The following GRIK4 variants were observed in gnomAD, a reference collection of about 807,000 sequenced individuals.
GRIK4 encodes the protein glutamate ionotropic receptor kainate type subunit 4, also known as glutamate receptor ionotropic, kainate 4.
Under a neutral mutation model 104.9 loss-of-function variants are expected in GRIK4, and 40 were observed. That is an observed-to-expected ratio of 0.38 (90% confidence interval 0.30 to 0.50). The LOEUF is 0.50. Ranked by LOEUF, GRIK4 falls within the 20% of genes least tolerant of loss-of-function variation. The pLI is 0.93. For synonymous variants in GRIK4, 485 were observed against 524.9 expected, an observed-to-expected ratio of 0.92 and a Z score of 1.04; for missense variants, 1,047 against 1,308.1, an observed-to-expected ratio of 0.80 and a Z score of 3.08.
chr11:120,725,502 G>A (rs1287725913), intron 3 of GRIK4, among the ~76,000 whole-genome samples: 1 of 152,144 alleles, frequency 6.6e-6, no homozygotes, highest in Non-Finnish European at 1.5e-5. Flanking sequence ...ACTAAAACTA[G>A]GGGTTTATAC....
rs369724157 is a variant in GRIK4 at position 120,528,964 on chromosome 11, T to C, written c.-159+17077T>C. ...ATGTGCCCATCTACAGCACTTTAGT[T>C]TCCCAGGGTAGCTTTGGCTCCCTGC... is the stretch of plus-strand genomic sequence containing the variant. On this transcript the variant is annotated intron_variant, in intron 1 of 20. Transcript: ENST00000527524. 4.1e-4 allele frequency among the ~76,000 whole-genome samples: 63 copies of C among 152,272 alleles called. No individual in the cohort carries two copies. The East Asian group carries it at 6.8e-3, about 16-fold the overall frequency.
At chr11:120,698,151 A>G (rs1299862424) in intron 3 of GRIK4, among the ~76,000 whole-genome samples, 1 of 152,198 alleles carries the variant, frequency 6.6e-6, no homozygotes, top group East Asian at 1.9e-4. Flanking sequence ...TCAAGATGAA[A>G]CCTAAAGAGA....
At chr11:120,667,938 T>A (rs971232611) in intron 3 of GRIK4, among the ~76,000 whole-genome samples, 5 of 152,156 alleles carry the variant, frequency 3.3e-5, no homozygotes, top group Middle Eastern at 3.4e-3. Context: ...TATGACCCCT[T>A]TAGAAAAGGT....
chr11:120,775,499 A>G (rs1952025661), intron 3 of GRIK4, among the ~76,000 whole-genome samples: 1 of 152,252 alleles, frequency 6.6e-6, no homozygotes, highest in Non-Finnish European at 1.5e-5. Flanking sequence ...ATGTTCATGA[A>G]TATTGAAAGT....
intron 3 of GRIK4, among the ~76,000 whole-genome samples, chr11:120,721,538 C>T (rs915976208): frequency 6.6e-6 from 1 of 152,246 alleles, no homozygotes; most frequent in Admixed American, 6.5e-5. Context: ...AAGCAAGAAC[C>T]TTTACTGTGG....
chr11:120,779,368 G>A (rs1952105760), intron 3 of GRIK4, among the ~76,000 whole-genome samples: 1 of 152,184 alleles, frequency 6.6e-6, no homozygotes, highest in Non-Finnish European at 1.5e-5. Flanking sequence ...CAGAGGAAAG[G>A]GCATTTCAGG....
intron 13 of GRIK4, among the ~76,000 whole-genome samples, chr11:120,924,817 C>T (rs1264530060): frequency 6.6e-6 from 1 of 152,182 alleles, no homozygotes; most frequent in African/African-American, 2.4e-5. Flanking sequence ...AGAAAAAGAC[C>T]AAATACACCT....
chr11:120,825,259 T>C (rs1028098686), intron 6 of GRIK4, among the ~76,000 whole-genome samples: 33 of 152,292 alleles, frequency 2.2e-4, no homozygotes, highest in Non-Finnish European at 3.4e-4. Context: ...TTTTTGTGGT[T>C]ACATGGCCTG....
At chr11:120,711,004 G>GGGT (rs1555046791) in intron 3 of GRIK4, among the ~76,000 whole-genome samples, 1 of 149,824 alleles carries the variant, frequency 6.7e-6, no homozygotes, top group South Asian at 2.2e-4. Flanking sequence ...AGGTGGGGAG[G>GGGT]GGGTGTGAGC....
intron 3 of GRIK4, among the ~76,000 whole-genome samples, chr11:120,710,997 T>TGGGGGGGGGGGGGG (rs139734821): frequency 1.6e-5 from 2 of 124,856 alleles, no homozygotes; most frequent in African/African-American, 7.3e-5. Context: ...CCCTGTGAGG[T>TGGGGGGGGGGGGGG]GGGGAGGGGG....
intron 6 of GRIK4, 86 bp from the exon 7 acceptor site, chr11:120,831,760 AGCCCAC>A: frequency 2.1e-6 from 2 of 937,128 alleles, no homozygotes; most frequent in Non-Finnish European, 1.7e-6. Context: ...CCCCACTTCC[AGCCCAC>A]ATCTCCGTGC....
rs773880628 is a variant in GRIK4, at chr11:120,952,806, A to G, written c.1591-49A>G. The G allele has an allele frequency of 1.5e-6, 2 of 1,296,950 alleles. No individual in the cohort carries two copies. Among genetic ancestry groups the G allele is most frequent in the South Asian group, 1.2e-5 (1 of 84,954 alleles). 80.3% of individuals were successfully genotyped at this position (1,296,950 alleles called of 1,614,324 possible). On this transcript the variant is annotated intron_variant, in intron 14 of 20. Coordinates refer to ENST00000527524, the MANE Select transcript of GRIK4 (RefSeq NM_014619.5). The surrounding 1 kb of genome is among the most constrained non-coding windows in gnomAD (Gnocchi z 5.2). ...ACCCCGCCCTGCCTGCCCCAAGGTC[A>G]TGTTGACTGAATATGTGCGGTGAAT...
intron 3 of GRIK4, among the ~76,000 whole-genome samples, chr11:120,767,214 G>A (rs1223094034): frequency 6.6e-6 from 1 of 152,054 alleles, no homozygotes; most frequent in African/African-American, 2.4e-5. Context: ...GCCAACACTT[G>A]TTATCTTTTG....
At chr11:120,934,781 G>T (rs995433657) in intron 13 of GRIK4, among the ~76,000 whole-genome samples, 2 of 152,200 alleles carry the variant, frequency 1.3e-5, no homozygotes, top group East Asian at 3.9e-4. Flanking sequence ...CTGTGGGGGC[G>T]CACATCCGCC....
intron 9 of GRIK4, among the ~76,000 whole-genome samples, chr11:120,863,604 G>A (rs1954317531): frequency 6.6e-6 from 1 of 152,242 alleles, no homozygotes. Flanking sequence ...ATTAGGTCTA[G>A]GAGATGGCAA....
intron 8 of GRIK4, among the ~76,000 whole-genome samples, chr11:120,842,599 T>C (rs930443889): frequency 5.3e-5 from 8 of 152,262 alleles, no homozygotes; most frequent in African/African-American, 1.9e-4. Context: ...TTTTAGAGGA[T>C]AACTGATCCT....
intron 3 of GRIK4, among the ~76,000 whole-genome samples, chr11:120,674,535 C>A (rs188165689): frequency 6.6e-6 from 1 of 152,376 alleles, no homozygotes; most frequent in East Asian, 1.9e-4. Context: ...GGGCCAGGTG[C>A]TGGGAGCTTC....
intron 1 of GRIK4, among the ~76,000 whole-genome samples, chr11:120,512,405 C>T (rs1591665789): frequency 6.6e-6 from 1 of 152,048 alleles, no homozygotes; most frequent in East Asian, 2.0e-4. Context: ...CCACCAAGCC[C>T]CCTCCCCCTT....
chr11:120,829,809 G>C (rs1014959196), intron 6 of GRIK4, among the ~76,000 whole-genome samples: 1 of 152,198 alleles, frequency 6.6e-6, no homozygotes, highest in Non-Finnish European at 1.5e-5. Flanking sequence ...CCCTGAGCTT[G>C]AATCCAGAGC....
Sources: allele counts gnomAD v4.1 joint callset (sites outside exome capture counted in the v4.1 genomes callset), GRCh38; gene constraint gnomAD v4.1.1; non-coding constraint Gnocchi (gnomAD v3.1); transcripts MANE v1.5; gene names NCBI Gene and HGNC (gene_info 2026-07-23, HGNC 2026-07-21).